The following ASCC1 variants were observed in gnomAD, a reference collection of about 807,000 sequenced individuals.
ASCC1 encodes the protein ASC-1 complex subunit P50.
A neutral mutation model predicts 46.6 loss-of-function variants in ASCC1; 35 were observed. The ratio of observed to expected loss-of-function variants is 0.75; its 90% CI spans 0.57 to 0.99. ASCC1 has a LOEUF of 0.99. ASCC1 is among the 50% of genes least tolerant of loss of function. The probability of loss-of-function intolerance (pLI) is 0.00; values close to 1 mark genes in which losing one functional copy is unlikely to be tolerated. For missense variants in ASCC1, 376 were observed against 428.7 expected, an observed-to-expected ratio of 0.88 and a Z score of 1.09; for synonymous variants, 143 against 146.6, an observed-to-expected ratio of 0.98 and a Z score of 0.18.
intron 5 of ASCC1, among the ~76,000 whole-genome samples, chr10:72,169,244 C>T (rs1225483340): frequency 2.6e-5 from 4 of 151,926 alleles, no homozygotes; most frequent in African/African-American, 4.8e-5. Flanking sequence ...GAGACCAGCC[C>T]GGGTAACAAG....
At chr10:72,205,100 G>C (rs957878998) in intron 3 of ASCC1, among the ~76,000 whole-genome samples, 1 of 152,216 alleles carries the variant, frequency 6.6e-6, no homozygotes, top group African/African-American at 2.4e-5. Flanking sequence ...TTAAGCCCAG[G>C]AGTTCAAGGC....
Position 72,103,632 on chromosome 10 carries a change from C to G in ASCC1, c.958-6182G>C, listed in dbSNP as rs563033029. 1.3e-5 allele frequency among the ~76,000 whole-genome samples: 2 copies of G among 150,836 alleles called. 1 individual carries two copies. The highest frequency in any genetic ancestry group is 5.0e-5 in the African/African-American group (2 of 40,188). On this transcript the variant is annotated intron_variant, in intron 9 of 9. Coordinates refer to ENST00000672957, the MANE Select transcript of ASCC1 (RefSeq NM_001198800.3). ...TCTTCCCTGAAGCAGACGATAAAACCTATGAAGACCTATGAAGGCCGTCCT... is the reference window on the plus strand; with the variant it reads ...TCTTCCCTGAAGCAGACGATAAAACGTATGAAGACCTATGAAGGCCGTCCT...
At chr10:72,178,137 G>A (rs746546320) in intron 5 of ASCC1, among the ~76,000 whole-genome samples, 2 of 152,182 alleles carry the variant, frequency 1.3e-5, no homozygotes, top group Non-Finnish European at 2.9e-5. Flanking sequence ...TTCAAGGAAG[G>A]ATGATCAGAA....
chr10:72,133,168 C>T lies in ASCC1; in HGVS notation c.760G>A (p.Val254Ile). Reference protein sequence around the residue: ...KDGSNRLQELVDRVLERFQAS... With the variant: ...KDGSNRLQELIDRVLERFQAS... ...TGAAAACGTTCCAGCACTCGATCAA[C>T]TAATTCTTGTAGCCTGGAGAAATTG... Residue 254 changes from valine to isoleucine, a missense_variant, in exon 8 of 10, where the codon GTT (valine) becomes ATT (isoleucine). Physicochemically the swap from Val to Ile is conservative, Grantham distance 29 (BLOSUM62 3). Coordinates refer to ENST00000672957, the MANE Select transcript of ASCC1 (RefSeq NM_001198800.3). 1.2e-6 allele frequency: 2 copies of T among 1,614,104 alleles called. No homozygotes were observed. Among genetic ancestry groups the T allele is most frequent in the Non-Finnish European group, 1.7e-6 (2 of 1,179,966 alleles).
chr10:72,116,596 G>A (rs1843520449), intron 9 of ASCC1, among the ~76,000 whole-genome samples: 1 of 152,074 alleles, frequency 6.6e-6, no homozygotes, highest in Non-Finnish European at 1.5e-5. Context: ...CTCTGTCTAT[G>A]CATCATTCTA....
chr10:72,210,017 G>A (rs528790043), intron 3 of ASCC1, among the ~76,000 whole-genome samples: 18 of 152,072 alleles, frequency 1.2e-4, no homozygotes, highest in South Asian at 2.1e-4. Flanking sequence ...ACCTCCCATC[G>A]TTTTTGCTCC....
intron 5 of ASCC1, among the ~76,000 whole-genome samples, chr10:72,164,150 A>C (rs1405772225): frequency 6.6e-6 from 1 of 151,978 alleles, no homozygotes; most frequent in Non-Finnish European, 1.5e-5. Context: ...TTTTGTAGAC[A>C]GGGTTTTTAC....
chr10:72,100,229 C>CT (rs112663918), intron 9 of ASCC1, among the ~76,000 whole-genome samples: 3,200 of 143,524 alleles, frequency 0.022, 134 homozygotes, highest in African/African-American at 0.075. Flanking sequence ...ATTGTTATAT[C>CT]TTTTTTTTTT....
At chr10:72,157,103 G>A (rs573838040) in intron 6 of ASCC1, among the ~76,000 whole-genome samples, 10 of 152,200 alleles carry the variant, frequency 6.6e-5, no homozygotes, top group Admixed American at 1.3e-4. Flanking sequence ...CACTGCGCCC[G>A]GCCCAGATAC....
chr10:72,148,745 A>G lies in ASCC1; in HGVS notation c.746+4124T>C, dbSNP rs111590406. 9.6e-3 allele frequency among the ~76,000 whole-genome samples: 1,464 copies of G among 152,286 alleles called. 20 individuals carry two copies. The highest frequency in any genetic ancestry group is 0.034 in the African/African-American group (1,392 of 41,538). On this transcript the variant is annotated intron_variant, in intron 7 of 9. Coordinates refer to ENST00000672957, the MANE Select transcript of ASCC1 (RefSeq NM_001198800.3). ...TCTAAATAACTGATGTTAGAAAACC[A>G]TGCATGGGTTAAAGATCCAGTCAAA...
chr10:72,208,934 C>T (rs747082517), intron 3 of ASCC1, among the ~76,000 whole-genome samples: 20 of 152,056 alleles, frequency 1.3e-4, no homozygotes, highest in Non-Finnish European at 2.4e-4. Context: ...GAGGCCAAGG[C>T]GGGTGGACTG....
intron 5 of ASCC1, among the ~76,000 whole-genome samples, chr10:72,188,934 G>C (rs1254202246): frequency 1.3e-5 from 2 of 151,870 alleles, no homozygotes; most frequent in African/African-American, 4.8e-5. Flanking sequence ...TTTTTTATCT[G>C]CTGTAGAGAC....
chr10:72,172,432 AAAAGAAAAACTCTAAGCAC>A (rs1851233130), intron 5 of ASCC1, among the ~76,000 whole-genome samples: 1 of 146,694 alleles, frequency 6.8e-6, no homozygotes, highest in Non-Finnish European at 1.5e-5. Context: ...AAAAAAAAAA[AAAAGAAAAACTCTAAGCAC>A]AAATAAAAGA....
rs191438207 is a variant in ASCC1, at chr10:72,128,256, A to G, written c.872-89T>C. ...TATAGGTACATAGGTACGACTAGCA[A>G]AATTTTCATGAACTACCTGGAAAGT... is the stretch of plus-strand genomic sequence containing the variant. On this transcript the variant is annotated intron_variant, in intron 8 of 9. Coordinates refer to ENST00000672957, the MANE Select transcript of ASCC1 (RefSeq NM_001198800.3). The G allele has an allele frequency of 2.3e-5, 25 of 1,104,544 alleles. No homozygotes were observed. The East Asian group carries it at 5.4e-4, about 24-fold the overall frequency. 68.4% of individuals were successfully genotyped at this position (1,104,544 alleles called of 1,614,324 possible).
intron 6 of ASCC1, among the ~76,000 whole-genome samples, chr10:72,158,551 C>G (rs760773296): frequency 6.6e-6 from 1 of 152,178 alleles, no homozygotes; most frequent in Non-Finnish European, 1.5e-5. Context: ...GCTACAAGAG[C>G]CTTTCACTGA....
At chr10:72,172,892 A>ATATATAT (rs939790325) in intron 5 of ASCC1, among the ~76,000 whole-genome samples, 6 of 127,418 alleles carry the variant, frequency 4.7e-5, no homozygotes, top group Non-Finnish European at 9.7e-5. Flanking sequence ...TTTTTATATT[A>ATATATAT]TATATATTAT....
intron 7 of ASCC1, 103 bp from the exon 8 acceptor site, chr10:72,133,284 C>T: frequency 8.6e-7 from 1 of 1,168,060 alleles, no homozygotes; most frequent in African/African-American, 1.5e-5. Context: ...GTGCTAATCA[C>T]CATACAAAGC....
At chr10:72,138,540 G>C (rs562755382) in intron 7 of ASCC1, among the ~76,000 whole-genome samples, 1 of 151,948 alleles carries the variant, frequency 6.6e-6, no homozygotes, top group East Asian at 1.9e-4. Flanking sequence ...GTCAGTGACA[G>C]AGGAACCAGA....
chr10:72,161,785 C>T, intron 5 of ASCC1, 111 bp from the exon 6 acceptor site: 1 of 1,274,148 alleles, frequency 7.8e-7, no homozygotes, highest in Non-Finnish European at 1.1e-6. Context: ...AGTGATTTTC[C>T]ACAAGGTGCC....
Sources: gnomAD v4.1 joint callset for allele counts (sites outside exome capture counted in the v4.1 genomes callset) on GRCh38, gnomAD v4.1.1 for gene constraint, MANE v1.5 for transcripts, NCBI Gene and HGNC (gene_info 2026-07-23, HGNC 2026-07-21) for gene names.